IQCM: variants seen among roughly 807,000 people sequenced by gnomAD.
IQCM encodes the protein IQ domain-containing protein M.
In IQCM, 45 loss-of-function variants were observed where a neutral mutation model predicts 57.6. The observed-to-expected ratio is 0.78, with a 90% CI of 0.62 to 1.00. The LOEUF is 1.00. Ranked by LOEUF, IQCM falls within the 50% of genes least tolerant of loss-of-function variation. The pLI, the probability that IQCM is intolerant of heterozygous loss-of-function variation, is 0.00. For missense variants in IQCM, 468 were observed against 511.6 expected (o/e 0.91, Z 0.82); for synonymous variants, 148 against 158.9 (o/e 0.93, Z 0.51).
At chr4:149,634,343 G>C (rs182017833) in intron 7 of IQCM, among the ~76,000 whole-genome samples, 1 of 152,232 alleles carries the variant, frequency 6.6e-6, no homozygotes, top group Non-Finnish European at 1.5e-5. Context: ...ATGCTAACAT[G>C]AATGACCATG....
At chr4:149,657,896 A>G (rs1458027282) in intron 7 of IQCM, among the ~76,000 whole-genome samples, 1 of 151,892 alleles carries the variant, frequency 6.6e-6, no homozygotes, top group Non-Finnish European at 1.5e-5. Context: ...TCTGGATACT[A>G]ACTCCTTGTC....
chr4:149,465,991 T>C (rs1738820993), intron 12 of IQCM, among the ~76,000 whole-genome samples: 1 of 152,118 alleles, frequency 6.6e-6, no homozygotes, highest in Admixed American at 6.5e-5. Context: ...ACAGTTGAAA[T>C]ATTGTTGTGC....
chr4:149,592,428 G>A (rs1479747223), intron 8 of IQCM, among the ~76,000 whole-genome samples: 1 of 152,016 alleles, frequency 6.6e-6, no homozygotes, highest in Non-Finnish European at 1.5e-5. Flanking sequence ...TCTGATGGTA[G>A]TTTCTTCTGC....
At chr4:149,686,891 C>G (rs920377072) in intron 5 of IQCM, among the ~76,000 whole-genome samples, 2 of 151,446 alleles carry the variant, frequency 1.3e-5, no homozygotes, top group African/African-American at 4.8e-5. Context: ...TAAATAGGAA[C>G]ACAAAGTGCT....
chr4:149,516,065 C>G (rs1231612656), intron 12 of IQCM, among the ~76,000 whole-genome samples: 1 of 152,164 alleles, frequency 6.6e-6, no homozygotes, highest in Non-Finnish European at 1.5e-5. Context: ...TATGCATGGG[C>G]TCAGCAACAC....
intron 12 of IQCM, among the ~76,000 whole-genome samples, chr4:149,486,374 T>C: frequency 6.6e-6 from 1 of 151,952 alleles, no homozygotes; most frequent in African/African-American, 2.4e-5. Context: ...TTCCCACTCT[T>C]CCCTCCAGTT....
At chr4:149,604,294 T>C (rs1352812415) in intron 8 of IQCM, among the ~76,000 whole-genome samples, 2 of 152,092 alleles carry the variant, frequency 1.3e-5, no homozygotes, top group Non-Finnish European at 2.9e-5. Flanking sequence ...GAGTTTCAAA[T>C]AAAGGATTAT....
intron 13 of IQCM, among the ~76,000 whole-genome samples, chr4:149,361,086 C>T (rs1214881795): frequency 6.6e-6 from 1 of 152,140 alleles, no homozygotes; most frequent in Non-Finnish European, 1.5e-5. Flanking sequence ...ACTCTTGTTA[C>T]ATTTTAGCAA....
chr4:149,794,660 T>C (rs2150036489), intron 2 of IQCM, among the ~76,000 whole-genome samples: 1 of 152,208 alleles, frequency 6.6e-6, no homozygotes, highest in South Asian at 2.1e-4. Context: ...AAGACTTCTG[T>C]GTTGTGGTGG....
At chr4:149,454,751 A>G (rs1164898486) in intron 12 of IQCM, among the ~76,000 whole-genome samples, 2 of 152,080 alleles carry the variant, frequency 1.3e-5, no homozygotes, top group Non-Finnish European at 2.9e-5. Context: ...AGAAGTTATG[A>G]AAAACCTCAT....
At chr4:149,646,809 C>A (rs368514042) in intron 7 of IQCM, among the ~76,000 whole-genome samples, 3 of 152,210 alleles carry the variant, frequency 2.0e-5, no homozygotes, top group South Asian at 2.1e-4. Flanking sequence ...CATGGTGAAA[C>A]CCCATCTCTA....
At chr4:149,405,468 T>C (rs888936002) in intron 13 of IQCM, among the ~76,000 whole-genome samples, 4 of 151,772 alleles carry the variant, frequency 2.6e-5, no homozygotes, top group Non-Finnish European at 5.9e-5. Context: ...AAATTATAAG[T>C]TGATGGAGGC....
At chr4:149,617,200 C>G (rs979870271) in intron 8 of IQCM, among the ~76,000 whole-genome samples, 1 of 152,082 alleles carries the variant, frequency 6.6e-6, no homozygotes, top group African/African-American at 2.4e-5. Flanking sequence ...GGTGATCCAC[C>G]TGCCTCAGCC....
chr4:149,663,765 G>A (rs1277270412), intron 7 of IQCM, among the ~76,000 whole-genome samples: 1 of 152,008 alleles, frequency 6.6e-6, no homozygotes, highest in Non-Finnish European at 1.5e-5. Context: ...AGAATTCTCT[G>A]TGTTTGACAT....
chr4:149,653,180 T>C (rs538937571), intron 7 of IQCM, among the ~76,000 whole-genome samples: 3 of 152,174 alleles, frequency 2.0e-5, no homozygotes, highest in South Asian at 2.1e-4. Context: ...ATTAATAACA[T>C]GAACCAGGGA....
chr4:149,485,748 T>C (rs914735924), intron 12 of IQCM, among the ~76,000 whole-genome samples: 1 of 152,128 alleles, frequency 6.6e-6, no homozygotes, highest in African/African-American at 2.4e-5. Context: ...CATATTTTCC[T>C]ATATGGTGTT....
In IQCM at chr4:149,556,410, A is replaced by G. The variant is rs973283603; in HGVS notation, c.949-3123T>C. ...TGTGTTTCTTACCAGTTTGTAAGAG[A>G]TTTTTATATGTTAGGCTTTTTTAAA... On this transcript the variant is annotated intron_variant, in intron 10 of 13. Transcript: ENST00000636793. 8.6e-5 allele frequency among the ~76,000 whole-genome samples: 13 copies of G among 151,706 alleles called. No homozygotes were observed. In the East Asian group the frequency reaches 2.3e-3, roughly 27 times the overall value.
chr4:149,661,294 C>T (rs904225286), intron 7 of IQCM, among the ~76,000 whole-genome samples: 1 of 152,138 alleles, frequency 6.6e-6, no homozygotes, highest in East Asian at 1.9e-4. Context: ...TCCTTGCATG[C>T]CTGGGATAAA....
chr4:149,667,968 G>C lies in IQCM; in HGVS notation c.565+14150C>G, dbSNP rs577036977. ...ACATTTGTTTGGTGCACCTGAAAGT[G>C]ACAGGAAGAATGGAATCAAGTTGGA... On this transcript the variant is annotated intron_variant, in intron 7 of 13. Transcript: ENST00000636793. Among the ~76,000 whole-genome samples the C allele has an allele frequency of 3.9e-5, 6 of 152,230 alleles. No homozygotes were observed. The East Asian group carries it at 1.2e-3, about 30-fold the overall frequency.
Sources: gnomAD v4.1 joint callset for allele counts (sites outside exome capture counted in the v4.1 genomes callset) on GRCh38, gnomAD v4.1.1 for gene constraint, MANE v1.5 for transcripts, NCBI Gene and HGNC (gene_info 2026-07-23, HGNC 2026-07-21) for gene names.